Variants in SRPRA observed in about 807,000 individuals in gnomAD.
The protein encoded by SRPRA is signal recognition particle receptor subunit alpha.
Under a neutral mutation model 61.1 loss-of-function variants are expected in SRPRA, and 30 were observed. The observed-to-expected ratio is 0.49, with a 90% confidence interval of 0.37 to 0.67. The LOEUF is 0.67. SRPRA is among the 30% of genes least tolerant of loss of function. The probability of loss-of-function intolerance (pLI) is 0.00; values close to 1 mark genes in which losing one functional copy is unlikely to be tolerated. For synonymous variants in SRPRA, 324 were observed against 299.7 expected (o/e 1.08, Z -0.84); for missense variants, 759 against 828.4 (o/e 0.92, Z 1.03).
At chr11:126,256,118 A>G in the SRPRA span, among the ~76,000 whole-genome samples, 6 of 152,236 alleles carry the variant, frequency 3.9e-5, no homozygotes, top group African/African-American at 1.4e-4. This position sits in a 1 kb window ranked among gnomAD's most constrained non-coding sequence, Gnocchi z 6.6. Context: ...TAAACATTCA[A>G]AAATTAGCTG....
the SRPRA span, among the ~76,000 whole-genome samples, chr11:126,236,403 A>G: frequency 9.6e-4 from 146 of 152,216 alleles, 1 homozygote; most frequent in East Asian, 0.024. Flanking sequence ...TTCCTGCCAA[A>G]ATAGCCACTC....
Position 126,267,239 on chromosome 11 carries a change from C to T in SRPRA, c.462G>A (p.Glu154=). ...KAKKPVRSMI[E]TRGEKPKEKA... ...TTTCCTTGGGCTTTTCCCCCCGTGT[C>T]TCAATCATGGACCTCACAGGTTTCT... The change falls in exon 4 of 14, where the codon GAG becomes GAA. Residue 154 remains glutamate, a synonymous_variant. Coordinates refer to ENST00000332118, the MANE Select transcript of SRPRA (RefSeq NM_003139.4). This position sits in a 1 kb window ranked among gnomAD's most constrained non-coding sequence, Gnocchi z 4.2. The T allele has an allele frequency of 1.2e-6, 2 of 1,614,114 alleles. No individual in the cohort carries two copies. Among genetic ancestry groups the T allele is most frequent in the South Asian group, 1.1e-5 (1 of 91,084 alleles).
Position 126,263,827 on chromosome 11 carries a change from A to G in SRPRA, c.*89T>C. On this transcript the variant is annotated 3_prime_UTR_variant, in exon 14 of 14. Transcript: ENST00000332118. ...TCTGCCTTTGTACTACACTGAAGAC[A>G]GGTTGCTCACATACTCTAAAGCACA... 1 of 1,551,284 alleles carries G rather than the reference A, an allele frequency of 6.4e-7. No individual in the cohort carries two copies. Among genetic ancestry groups the G allele is most frequent in the East Asian group, 2.3e-5 (1 of 44,436 alleles).
rs751743215 is a variant in SRPRA at position 126,265,832 on chromosome 11, A to T, written c.1052-9T>A. The T allele has an allele frequency of 4.3e-6, 7 of 1,614,162 alleles. 1 individual carries two copies. Among genetic ancestry groups the T allele is most frequent in the Non-Finnish European group, 5.1e-6 (6 of 1,180,020 alleles). On this transcript the variant is annotated splice_polypyrimidine_tract_variant and intron_variant, in intron 8 of 13. Transcript: ENST00000332118. The surrounding 1 kb of genome is among the most constrained non-coding windows in gnomAD (Gnocchi z 6.3). ...TGCAGCCACGTTCTTAGCTGAGGAGAGGGGGACAGGTATGTCAGTTCCATG... is the reference window on the plus strand; with the variant it reads ...TGCAGCCACGTTCTTAGCTGAGGAGTGGGGGACAGGTATGTCAGTTCCATG...
chr11:126,265,230 A>ACAGAAATATCAG lies in SRPRA; in HGVS notation c.1311+26_1311+37dup, dbSNP rs778044517. Reference sequence around the variant, plus strand: ...GCCAGGATTTTGAGACACAAGAAGTACAGAAATATCAGCGATAGGCTGGGG... The same window carrying ACAGAAATATCAG: ...GCCAGGATTTTGAGACACAAGAAGTACAGAAATATCAGCAGAAATATCAGCGATAGGCTGGGG... On this transcript the variant is annotated intron_variant, in intron 10 of 13. Transcript: ENST00000332118. This position sits in a 1 kb window ranked among gnomAD's most constrained non-coding sequence, Gnocchi z 6.3. 5.6e-6 allele frequency: 9 copies of ACAGAAATATCAG among 1,613,746 alleles called. No individual in the cohort carries two copies. Among genetic ancestry groups the ACAGAAATATCAG allele is most frequent in the Non-Finnish European group, 7.6e-6 (9 of 1,179,684 alleles).
chr11:126,254,808 C>T, the SRPRA span, among the ~76,000 whole-genome samples: 5 of 152,150 alleles, frequency 3.3e-5, no homozygotes, highest in African/African-American at 1.2e-4. Context: ...GCTTGGGTGA[C>T]AGAGCAAGGC....
chr11:126,268,745 G>A lies in SRPRA; in HGVS notation c.60C>T (p.Gly20=). Residue 20 remains glycine, a synonymous_variant, in exon 1 of 14, where the codon GGC becomes GGT. Transcript: ENST00000332118. ...KGGLVLWCFQ[G]VSDSCTGPVN... ...CGGGTCCGGTGCATGAGTCGCTAAC[G>A]CCCTGGAAGCACCAGAGCACAAGCC... 4.3e-6 allele frequency: 7 copies of A among 1,613,868 alleles called. No homozygotes were observed. The highest frequency in any genetic ancestry group is 5.9e-6 in the Non-Finnish European group (7 of 1,180,028).
chr11:126,267,390 C>A lies in SRPRA; in HGVS notation c.366-55G>T. 3 of 1,602,826 alleles carry A rather than the reference C, an allele frequency of 1.9e-6. No individual in the cohort carries two copies. The highest frequency in any genetic ancestry group is 2.6e-6 in the Non-Finnish European group (3 of 1,174,660). ...CTACCCCATGCAGAAGGAAAAATAA[C>A]GGTCCAGAGAAAGGACTCTCACACC... On this transcript the variant is annotated intron_variant, in intron 3 of 13. Coordinates refer to ENST00000332118, the MANE Select transcript of SRPRA (RefSeq NM_003139.4). The surrounding 1 kb of genome is among the most constrained non-coding windows in gnomAD (Gnocchi z 4.2).
chr11:126,248,322 A>G, the SRPRA span, among the ~76,000 whole-genome samples: 1 of 149,288 alleles, frequency 6.7e-6, no homozygotes, highest in Non-Finnish European at 1.5e-5. Flanking sequence ...TTTTATAACA[A>G]ATCTAAAAAA....
chr11:126,256,603 C>T, the SRPRA span: 1 of 1,613,982 alleles, frequency 6.2e-7, no homozygotes, highest in Non-Finnish European at 8.5e-7. The surrounding 1 kb of genome is among the most constrained non-coding windows in gnomAD (Gnocchi z 6.6). Context: ...CAAGTCATTT[C>T]TTTTCCTGGG....
intron 6 of SRPRA, 23 bp from the exon 7 acceptor site, chr11:126,266,301 G>C (rs752134081): frequency 2.0e-5 from 32 of 1,612,196 alleles, no homozygotes; most frequent in Non-Finnish European, 2.5e-5. Flanking sequence ...GGGAAAGGAT[G>C]TGGGGTCAGG....
chr11:126,240,971 AG>A, the SRPRA span: 1 of 1,614,024 alleles, frequency 6.2e-7, no homozygotes, highest in African/African-American at 1.3e-5. Context: ...GAGAGCAAAA[AG>A]TTTCAGAAAT....
chr11:126,267,224 CT>C lies in SRPRA; in HGVS notation c.476del (p.Lys159SerfsTer44). On this transcript the variant is annotated frameshift_variant, in exon 4 of 14. Transcript: ENST00000332118. LOFTEE classifies it high-confidence loss of function. The surrounding 1 kb of genome is among the most constrained non-coding windows in gnomAD (Gnocchi z 4.2). The stretch of plus-strand genomic sequence containing the variant: ...TGCTATTCTTTGCTTTTTCCTTGGG[CT>C]TTTCCCCCCGTGTCTCAATCATGGA... ...VRSMIETRGE[K>X]PKEKAKNSKK... 1.2e-6 allele frequency: 2 copies of C among 1,614,068 alleles called. No individual in the cohort carries two copies. The highest frequency in any genetic ancestry group is 1.7e-6 in the Non-Finnish European group (2 of 1,180,032).
In SRPRA at chr11:126,266,462, CT is replaced by C. The variant is rs756184285; in HGVS notation, c.840+13del. ...TTGTTGTTAAAGATCACTTTGACCC[CT>C]GTTACCTCTTACCAGGTTGATGTCC... is the stretch of plus-strand genomic sequence containing the variant. On this transcript the variant is annotated intron_variant, in intron 6 of 13. Transcript: ENST00000332118. The C allele has an allele frequency of 1.2e-6, 2 of 1,611,714 alleles. No individual in the cohort carries two copies. Among genetic ancestry groups the C allele is most frequent in the South Asian group, 1.1e-5 (1 of 90,826 alleles).
the SRPRA span, among the ~76,000 whole-genome samples, chr11:126,247,731 A>C: frequency 2.0e-5 from 3 of 151,514 alleles, no homozygotes; most frequent in Non-Finnish European, 4.4e-5. Flanking sequence ...GGTGGCAGGC[A>C]CCTGTAATCC....
the SRPRA span, among the ~76,000 whole-genome samples, chr11:126,255,378 C>CT: frequency 5.3e-5 from 8 of 152,124 alleles, no homozygotes; most frequent in African/African-American, 1.9e-4. This position sits in a 1 kb window ranked among gnomAD's most constrained non-coding sequence, Gnocchi z 4.6. Context: ...GCACAAGGGA[C>CT]TTTTTTTTCT....
the SRPRA span, chr11:126,240,657 GGT>G: frequency 0.023 from 18,713 of 821,236 alleles, 272 homozygotes; most frequent in Middle Eastern, 0.034. Context: ...GCTTTGGAAA[GGT>G]GTCAAAAACT....
Position 126,265,873 on chromosome 11 carries a change from C to T in SRPRA, c.1052-50G>A. On this transcript the variant is annotated intron_variant, in intron 8 of 13. Transcript: ENST00000332118. The surrounding 1 kb of genome is among the most constrained non-coding windows in gnomAD (Gnocchi z 6.3). ...CAGTTCCATGTCAGCAATGACCAAT[C>T]TTTATGGTACAGGTGAGAAACGCTA... is the stretch of plus-strand genomic sequence containing the variant. 1.2e-6 allele frequency: 2 copies of T among 1,612,846 alleles called. No homozygotes were observed. The highest frequency in any genetic ancestry group is 1.7e-6 in the Non-Finnish European group (2 of 1,178,790).
In SRPRA at chr11:126,266,553, T is replaced by G; in HGVS notation, c.763A>C (p.Asn255His). 6.2e-7 allele frequency: 1 copy of G among 1,614,202 alleles called. No individual in the cohort carries two copies. The highest frequency in any genetic ancestry group is 2.2e-5 in the East Asian group (1 of 44,874). Residue 255 changes from asparagine to histidine, a missense_variant, in exon 6 of 14, where the codon AAC becomes CAC. By Grantham distance (68) the Asn-to-His change is moderately conservative. This residue lies in a region of SRPRA where 475 missense variants were observed against 462.5 expected (regional missense o/e 1.03). Coordinates refer to ENST00000332118, the MANE Select transcript of SRPRA (RefSeq NM_003139.4). The part of the protein sequence containing the change: ...PRVWELGGCA[N>H]KEVLDYSTPT... ...GTACTGTAATCCAACACTTCTTTGT[T>G]AGCACAGCCACCCAGTTCCCACACC...
Sources: gnomAD v4.1 joint callset for allele counts (sites outside exome capture counted in the v4.1 genomes callset) on GRCh38, gnomAD v4.1.1 for gene constraint, gnomAD v4.1.1 regional missense constraint, Gnocchi (gnomAD v3.1) non-coding constraint, MANE v1.5 for transcripts, NCBI Gene and HGNC (gene_info 2026-07-23, HGNC 2026-07-21) for gene names.